CST8: variants seen among roughly 807,000 people sequenced by gnomAD.
CST8 encodes the protein cystatin 8.
Under a neutral mutation model 11.8 loss-of-function variants are expected in CST8, and 20 were observed. The ratio of observed to expected loss-of-function variants is 1.70; its 90% CI spans 1.20 to 2.47. CST8 has a LOEUF of 2.47. Ranked by LOEUF, CST8 falls within the 30% of genes most tolerant of loss-of-function variation. The pLI, the probability that CST8 is intolerant of heterozygous loss-of-function variation, is 0.00. For synonymous variants in CST8, 77 were observed against 63.1 expected, an observed-to-expected ratio of 1.22 and a Z score of -1.05; for missense variants, 196 against 167.2, an observed-to-expected ratio of 1.17 and a Z score of -0.95.
At chr20:23,499,291 G>T (rs995294946), downstream of CST8, among the ~76,000 whole-genome samples, 7 of 152,166 alleles carry the variant, frequency 4.6e-5, no homozygotes, top group Non-Finnish European at 1.0e-4. Flanking sequence ...TTTTCAACCT[G>T]CCTGTCTTAA....
the CST8 span, among the ~76,000 whole-genome samples, chr20:23,505,094 C>A: frequency 6.6e-6 from 1 of 151,680 alleles, no homozygotes; most frequent in Non-Finnish European, 1.5e-5. Context: ...CCGTAACGCA[C>A]CCCTAGATAA....
downstream of CST8, among the ~76,000 whole-genome samples, chr20:23,496,272 C>T (rs1369846041): frequency 6.6e-6 from 1 of 151,788 alleles, no homozygotes; most frequent in Non-Finnish European, 1.5e-5. Flanking sequence ...TTCTATTTTC[C>T]CTAAGTGTCA....
chr20:23,500,987 C>T (rs73901898), downstream of CST8, among the ~76,000 whole-genome samples: 632 of 152,246 alleles, frequency 4.2e-3, 11 homozygotes, highest in African/African-American at 0.015. Flanking sequence ...AGGCCTACTG[C>T]GGGTGATGGA....
At chr20:23,491,994 C>A in intron 2 of CST8, 96 bp downstream of exon 2, 1 of 932,024 alleles carries the variant, frequency 1.1e-6, no homozygotes, top group Non-Finnish European at 1.7e-6. Context: ...TATCACTATG[C>A]AAAAATCCTA....
chr20:23,492,226 T>G (rs1987910052), intron 2 of CST8, among the ~76,000 whole-genome samples: 1 of 152,176 alleles, frequency 6.6e-6, no homozygotes. Context: ...TGAGTCCAGG[T>G]GAACCTGGAC....
At chr20:23,494,530 T>G (rs1020965702) in intron 3 of CST8, among the ~76,000 whole-genome samples, 1 of 152,208 alleles carries the variant, frequency 6.6e-6, no homozygotes, top group Non-Finnish European at 1.5e-5. Flanking sequence ...GACTAAACTT[T>G]CTTCTTTCTG....
rs114856939 is a variant in CST8 at position 23,491,753 on chromosome 20, C to T, written c.86C>T (p.Thr29Ile). Reference protein sequence around the residue: ...VARKDPKKNETGVLRKLKPVN... With the variant: ...VARKDPKKNEIGVLRKLKPVN... ...AGGAAAGACCCAAAAAAGAATGAGACAGGGGTGCTGAGGAAATTAAAACCC... is the reference window on the plus strand; with the variant it reads ...AGGAAAGACCCAAAAAAGAATGAGATAGGGGTGCTGAGGAAATTAAAACCC... The change falls in exon 2 of 4, where the codon ACA (threonine) becomes ATA (isoleucine). Residue 29 changes from threonine (T) to isoleucine (I), a missense_variant. By Grantham distance (89) the Thr-to-Ile change is moderately conservative. Coordinates refer to ENST00000246012, the MANE Select transcript of CST8 (RefSeq NM_005492.4). 1,457 of 1,613,936 alleles carry T rather than the reference C, an allele frequency of 9.0e-4. 14 individuals carry two copies. The African/African-American group carries it at 0.017, about 19-fold the overall frequency.
At chr20:23,493,872 G>C (rs1987964908) in intron 3 of CST8, among the ~76,000 whole-genome samples, 1 of 152,186 alleles carries the variant, frequency 6.6e-6, no homozygotes, top group Admixed American at 6.5e-5. Context: ...TGATGACCGG[G>C]TTCCACCGGC....
At chr20:23,500,039 G>C (rs1274850527), downstream of CST8, among the ~76,000 whole-genome samples, 1 of 151,728 alleles carries the variant, frequency 6.6e-6, no homozygotes, top group Non-Finnish European at 1.5e-5. Context: ...AGGACAGAGA[G>C]GAGAAAGGGA....
At chr20:23,497,418 G>A (rs1263507960), downstream of CST8, among the ~76,000 whole-genome samples, 1 of 152,202 alleles carries the variant, frequency 6.6e-6, no homozygotes, top group Non-Finnish European at 1.5e-5. Flanking sequence ...TTTGGCCTGA[G>A]GCTCTTCCTG....
At chr20:23,497,012 G>A (rs192573945), downstream of CST8, among the ~76,000 whole-genome samples, 71 of 152,224 alleles carry the variant, frequency 4.7e-4, no homozygotes, top group South Asian at 0.012. Context: ...TGCAGTTAAC[G>A]CAATCATCAC....
chr20:23,505,269 C>G, the CST8 span, among the ~76,000 whole-genome samples: 1 of 151,596 alleles, frequency 6.6e-6, no homozygotes, highest in Non-Finnish European at 1.5e-5. Flanking sequence ...CTCAGCCTCC[C>G]GAGTAGCTGG....
intron 2 of CST8, 133 bp from the exon 3 acceptor site, chr20:23,492,825 G>C (rs947512259): frequency 1.5e-5 from 10 of 688,430 alleles, no homozygotes; most frequent in Middle Eastern, 3.6e-4. Context: ...TTAGCCTTCC[G>C]CTAAAGCTCT....
At chr20:23,501,385 TC>T in the CST8 span, among the ~76,000 whole-genome samples, 2 of 152,196 alleles carry the variant, frequency 1.3e-5, no homozygotes, top group Non-Finnish European at 2.9e-5. Flanking sequence ...TTCCCCACAG[TC>T]CAGGGCATCA....
the CST8 span, among the ~76,000 whole-genome samples, chr20:23,501,497 A>G: frequency 0.2 from 30,914 of 152,188 alleles, 4,011 homozygotes; most frequent in South Asian, 0.32. Flanking sequence ...CTCCTCAGAC[A>G]CCTACCGCTC....
At chr20:23,496,427 G>A (rs968271681), downstream of CST8, among the ~76,000 whole-genome samples, 6 of 152,132 alleles carry the variant, frequency 3.9e-5, no homozygotes, top group Non-Finnish European at 7.4e-5. Context: ...TTCAAAAGGG[G>A]AGGGAGTGTA....
intron 2 of CST8, among the ~76,000 whole-genome samples, 186 bp from the exon 3 acceptor site, chr20:23,492,772 C>T (rs1987927050): frequency 6.6e-6 from 1 of 152,112 alleles, no homozygotes. Context: ...CTATGGAGTC[C>T]TGACTGATCT....
chr20:23,500,787 C>T (rs1394802685), downstream of CST8, among the ~76,000 whole-genome samples: 2 of 83,370 alleles, frequency 2.4e-5, no homozygotes, highest in East Asian at 2.7e-4. Context: ...GAAGGGTGAA[C>T]AGGGGGTGGG....
At chr20:23,495,775 CTT>C (rs11482296) in intron 3 of CST8, 54 bp from the exon 4 acceptor site, 310,577 of 914,230 alleles carry the variant, frequency 0.34, 15,068 homozygotes, top group Non-Finnish European at 0.36. Flanking sequence ...TTTTTCTTTT[CTT>C]TTTTTTTTTT....
Sources: gnomAD v4.1 joint callset for allele counts (sites outside exome capture counted in the v4.1 genomes callset) on GRCh38, gnomAD v4.1.1 for gene constraint, MANE v1.5 for transcripts, NCBI Gene and HGNC (gene_info 2026-07-23, HGNC 2026-07-21) for gene names.